The following NELL1 variants were observed in gnomAD, a reference collection of about 807,000 sequenced individuals.
NELL1 encodes neural EGFL like 1.
NELL1 carries 76 observed loss-of-function variants against 107.4 expected under a neutral mutation model. The ratio of observed to expected loss-of-function variants is 0.71; its 90% CI spans 0.59 to 0.86. NELL1 has a LOEUF of 0.86. Ranked by LOEUF, NELL1 falls within the 40% of genes least tolerant of loss-of-function variation. NELL1 has a pLI of 0.00. For synonymous variants in NELL1, 353 were observed against 341.2 expected (o/e 1.03, Z -0.38); for missense variants, 1,024 against 1,005.5 (o/e 1.02, Z -0.25).
At chr11:20,692,175 T>C (rs916404518) in intron 2 of NELL1, among the ~76,000 whole-genome samples, 3 of 152,128 alleles carry the variant, frequency 2.0e-5, no homozygotes, top group Admixed American at 1.3e-4. Flanking sequence ...TCTTCTCTCT[T>C]TTTTTCTTTA....
chr11:20,884,800 G>C (rs547522966), intron 4 of NELL1, among the ~76,000 whole-genome samples: 10 of 152,280 alleles, frequency 6.6e-5, no homozygotes, highest in African/African-American at 2.4e-4. Flanking sequence ...TGTGTGTCTG[G>C]TTTCTTGCTC....
chr11:21,169,854 C>G (rs1260803311), intron 13 of NELL1: 7 of 1,420,172 alleles, frequency 4.9e-6, no homozygotes, highest in Non-Finnish European at 5.9e-6. Flanking sequence ...CCAGAGTCCC[C>G]CCAGGAAGAG....
chr11:20,988,406 T>C (rs1375157039), intron 12 of NELL1, among the ~76,000 whole-genome samples: 1 of 149,990 alleles, frequency 6.7e-6, no homozygotes, highest in East Asian at 2.0e-4. Flanking sequence ...TACATATCTA[T>C]ATATACACAT....
At chr11:21,234,170 A>G (rs1029156577) in intron 14 of NELL1, among the ~76,000 whole-genome samples, 28 of 152,254 alleles carry the variant, frequency 1.8e-4, no homozygotes, top group Admixed American at 9.2e-4. Flanking sequence ...CAAACTGGCT[A>G]TGTAACTTGC....
At chr11:21,218,389 G>T (rs985995923) in intron 13 of NELL1, among the ~76,000 whole-genome samples, 6 of 152,026 alleles carry the variant, frequency 3.9e-5, no homozygotes, top group African/African-American at 1.4e-4. Flanking sequence ...ATATTTATAA[G>T]ATACAGAATG....
intron 2 of NELL1, among the ~76,000 whole-genome samples, chr11:20,762,373 G>A (rs949381324): frequency 1.3e-5 from 2 of 152,260 alleles, no homozygotes; most frequent in South Asian, 4.1e-4. Flanking sequence ...CTGCGGTTAC[G>A]GATGAACCCT....
intron 12 of NELL1, among the ~76,000 whole-genome samples, chr11:20,976,003 A>G (rs1310411118): frequency 7.3e-6 from 1 of 137,630 alleles, no homozygotes; most frequent in Admixed American, 7.3e-5. Context: ...TGTGTATTAT[A>G]TATACATTAT....
chr11:21,313,688 C>G (rs532500321), intron 14 of NELL1, among the ~76,000 whole-genome samples: 1 of 152,146 alleles, frequency 6.6e-6, no homozygotes, highest in African/African-American at 2.4e-5. Flanking sequence ...ACAGCAGCAG[C>G]TCTAGGTAGT....
chr11:21,361,293 A>G lies in NELL1; in HGVS notation c.1550-9560A>G, dbSNP rs143246493. On this transcript the variant is annotated intron_variant, in intron 14 of 19. Coordinates refer to ENST00000357134, the MANE Select transcript of NELL1 (RefSeq NM_006157.5). ...TTTTTTTTTTTTTTTTTTTAGTTTC[A>G]GGAAACTGAAGATGAGACCCCAATC... is the stretch of plus-strand genomic sequence containing the variant. Among the ~76,000 whole-genome samples the G allele has an allele frequency of 7.1e-3, 949 of 133,128 alleles. 33 individuals are homozygous for G. The highest frequency in any genetic ancestry group is 0.069 in the Admixed American group (883 of 12,714). 87.3% of individuals were successfully genotyped at this position (133,128 alleles called of 152,430 possible). A position where few individuals can be genotyped will look rare whatever the true frequency, so the allele number is the denominator to read the frequency against.
intron 15 of NELL1, among the ~76,000 whole-genome samples, chr11:21,379,814 T>C: frequency 6.6e-6 from 1 of 152,096 alleles, no homozygotes; most frequent in South Asian, 2.1e-4. Flanking sequence ...GTAAAAAGAA[T>C]GATCAGAAAC....
chr11:20,968,230 GT>G (rs533857131), intron 12 of NELL1, among the ~76,000 whole-genome samples: 237 of 152,222 alleles, frequency 1.6e-3, no homozygotes, highest in African/African-American at 5.4e-3. Flanking sequence ...TCTGTTTAAA[GT>G]TTTATTATCT....
At chr11:21,305,836 C>T (rs1194592249) in intron 14 of NELL1, among the ~76,000 whole-genome samples, 1 of 151,950 alleles carries the variant, frequency 6.6e-6, no homozygotes, top group Non-Finnish European at 1.5e-5. Context: ...GCTTTATACA[C>T]TTTTGGACAT....
intron 14 of NELL1, among the ~76,000 whole-genome samples, chr11:21,253,587 T>G (rs1858692906): frequency 6.6e-6 from 1 of 152,166 alleles, no homozygotes; most frequent in Non-Finnish European, 1.5e-5. Context: ...TCCAATGTAT[T>G]GCTCATAAAG....
chr11:21,075,528 C>T (rs1854114404), intron 12 of NELL1, among the ~76,000 whole-genome samples: 1 of 152,098 alleles, frequency 6.6e-6, no homozygotes, highest in African/African-American at 2.4e-5. Flanking sequence ...TGCAGTGATA[C>T]ACTACAATGG....
In NELL1 at chr11:20,677,966, G is replaced by A. The variant is rs761147302; in HGVS notation, c.90G>A (p.Met30Ile). 2.5e-6 allele frequency: 4 copies of A among 1,613,968 alleles called. No individual in the cohort carries two copies. Among genetic ancestry groups the A allele is most frequent in the Admixed American group, 3.3e-5 (2 of 59,992 alleles). Residue 30 changes from methionine (M) to isoleucine (I), a missense_variant, in exon 2 of 20, where the codon ATG (methionine) becomes ATA (isoleucine). Physicochemically the swap from Met to Ile is conservative, Grantham distance 10. Coordinates refer to ENST00000357134, the MANE Select transcript of NELL1 (RefSeq NM_006157.5). Reference protein sequence around the residue: ...VGFGMDPDLQMDIVTELDLVN... With the variant: ...VGFGMDPDLQIDIVTELDLVN... ...TTGGGATGGACCCTGACCTTCAGAT[G>A]GATATCGTCACCGAGCTTGACCTTG...
At chr11:21,178,362 C>T (rs1466128799) in intron 13 of NELL1, among the ~76,000 whole-genome samples, 2 of 151,970 alleles carry the variant, frequency 1.3e-5, no homozygotes, top group Non-Finnish European at 2.9e-5. Context: ...ACACTCTTCC[C>T]TTCCCCAAAA....
chr11:20,978,629 G>A (rs1851688874), intron 12 of NELL1, among the ~76,000 whole-genome samples: 1 of 152,112 alleles, frequency 6.6e-6, no homozygotes, highest in Non-Finnish European at 1.5e-5. Flanking sequence ...ATAGATTCAG[G>A]CATGCTTCCA....
chr11:21,270,634 A>C (rs1410630855), intron 14 of NELL1, among the ~76,000 whole-genome samples: 1 of 152,174 alleles, frequency 6.6e-6, no homozygotes, highest in East Asian at 1.9e-4. Flanking sequence ...GCTGGCAGAA[A>C]ATTCTTAAGG....
intron 15 of NELL1, among the ~76,000 whole-genome samples, 178 bp from the exon 16 acceptor site, chr11:21,534,196 C>A (rs182151583): frequency 6.6e-6 from 1 of 152,170 alleles, no homozygotes; most frequent in Non-Finnish European, 1.5e-5. Flanking sequence ...AAGAATGAAG[C>A]TTTCAATTCA....
Sources: gnomAD v4.1 joint callset for allele counts (sites outside exome capture counted in the v4.1 genomes callset) on GRCh38, gnomAD v4.1.1 for gene constraint, MANE v1.5 for transcripts, NCBI Gene and HGNC (gene_info 2026-07-23, HGNC 2026-07-21) for gene names.